Variants in TASP1 observed in about 807,000 individuals in gnomAD.
TASP1 encodes the protein taspase 1.
Under a neutral mutation model 56.6 loss-of-function variants are expected in TASP1, and 16 were observed. The observed-to-expected ratio is 0.28, with a 90% confidence interval of 0.19 to 0.43. The LOEUF is 0.43. Among genes scored for constraint, TASP1 ranks in the 20% least tolerant of loss-of-function variants. The probability of loss-of-function intolerance (pLI) is 1.00; values close to 1 mark genes in which losing one functional copy is unlikely to be tolerated. For synonymous variants in TASP1, 179 were observed against 184.2 expected (o/e 0.97, Z 0.23); for missense variants, 393 against 511.6 (o/e 0.77, Z 2.24).
At chr20:13,244,192 T>C in the TASP1 span, 2 of 152,214 alleles carry the variant, frequency 1.3e-5, no homozygotes, top group Admixed American at 1.3e-4. Context: ...TTGGATTAAA[T>C]GCAGAGGTCT....
At chr20:13,457,176 GGAGTTGATGGGTTCA>G (rs2043874742) in intron 11 of TASP1, among the ~76,000 whole-genome samples, 1 of 151,974 alleles carries the variant, frequency 6.6e-6, no homozygotes, top group Non-Finnish European at 1.5e-5. Flanking sequence ...ATGTAAATGA[GGAGTTGATGGGTTCA>G]GCAAACCAAC....
At chr20:13,356,656 C>G in the TASP1 span, among the ~76,000 whole-genome samples, 4 of 152,184 alleles carry the variant, frequency 2.6e-5, no homozygotes, top group African/African-American at 9.7e-5. Context: ...CTAGATAACA[C>G]TTAACTTTTC....
the TASP1 span, among the ~76,000 whole-genome samples, chr20:13,313,167 T>C: frequency 6.6e-6 from 1 of 152,190 alleles, no homozygotes; most frequent in Non-Finnish European, 1.5e-5. Context: ...CCCTGAAAAC[T>C]AATTGCAGAT....
At chr20:13,322,320 C>T in the TASP1 span, among the ~76,000 whole-genome samples, 2 of 152,238 alleles carry the variant, frequency 1.3e-5, no homozygotes, top group South Asian at 4.1e-4. Context: ...TAAAGAGATA[C>T]GGGTTGTTCT....
the TASP1 span, among the ~76,000 whole-genome samples, chr20:13,297,038 C>CA: frequency 9.3e-5 from 14 of 150,114 alleles, no homozygotes; most frequent in Middle Eastern, 3.4e-3. Context: ...CACCCCCCGC[C>CA]AAAAAAAAAG....
chr20:13,322,045 G>A, the TASP1 span, among the ~76,000 whole-genome samples: 7 of 152,140 alleles, frequency 4.6e-5, no homozygotes, highest in Non-Finnish European at 7.3e-5. Flanking sequence ...CATGTGTATC[G>A]CTTAAAATAG....
the TASP1 span, among the ~76,000 whole-genome samples, chr20:13,228,688 T>C: frequency 6.6e-6 from 1 of 152,204 alleles, no homozygotes; most frequent in African/African-American, 2.4e-5. Context: ...GTCTAAACTT[T>C]GTCTCCAGCT....
intron 11 of TASP1, among the ~76,000 whole-genome samples, chr20:13,476,330 A>G (rs753910156): frequency 6.6e-6 from 1 of 152,146 alleles, no homozygotes; most frequent in Non-Finnish European, 1.5e-5. Flanking sequence ...ATTTCTCCCA[A>G]ACTCCTGGGA....
chr20:13,117,601 C>T, the TASP1 span: 1 of 1,614,020 alleles, frequency 6.2e-7, no homozygotes, highest in Non-Finnish European at 8.5e-7. Flanking sequence ...AGTATTGGGG[C>T]CGTGGGCCCA....
the TASP1 span, among the ~76,000 whole-genome samples, chr20:13,110,452 A>T: frequency 6.6e-6 from 1 of 152,206 alleles, no homozygotes; most frequent in Non-Finnish European, 1.5e-5. Flanking sequence ...AGGCTTCCTC[A>T]GAAATATCCT....
At chr20:13,204,028 C>T in the TASP1 span, among the ~76,000 whole-genome samples, 1 of 152,152 alleles carries the variant, frequency 6.6e-6, no homozygotes, top group South Asian at 2.1e-4. Context: ...AAAATCACCT[C>T]GCATAAAATG....
chr20:13,544,699 A>G (rs909939638), intron 8 of TASP1, among the ~76,000 whole-genome samples: 2 of 152,220 alleles, frequency 1.3e-5, no homozygotes, highest in Admixed American at 6.5e-5. Context: ...TTAGTTGTCC[A>G]ATTTGGCTCT....
At chr20:13,627,204 A>G (rs1441495556) in intron 2 of TASP1, among the ~76,000 whole-genome samples, 1 of 152,204 alleles carries the variant, frequency 6.6e-6, no homozygotes, top group East Asian at 1.9e-4. Context: ...TACTACATGA[A>G]TCACAAAAGT....
the TASP1 span, among the ~76,000 whole-genome samples, chr20:13,198,040 G>GA: frequency 3.3e-5 from 5 of 152,060 alleles, no homozygotes; most frequent in Admixed American, 2.0e-4. Context: ...AATATAAACA[G>GA]AAAAACCTCT....
chr20:13,301,801 T>G, the TASP1 span, among the ~76,000 whole-genome samples: 1 of 152,070 alleles, frequency 6.6e-6, no homozygotes, highest in South Asian at 2.1e-4. Context: ...ATTAGTCACA[T>G]GAACAGCTCA....
At chr20:13,512,883 G>T (rs1053521698) in intron 10 of TASP1, among the ~76,000 whole-genome samples, 1 of 152,050 alleles carries the variant, frequency 6.6e-6, no homozygotes, top group Non-Finnish European at 1.5e-5. Context: ...GCTTGTTTTT[G>T]TCAGGTTTGT....
chr20:13,601,000 G>C (rs887878487), intron 4 of TASP1, among the ~76,000 whole-genome samples: 3 of 152,196 alleles, frequency 2.0e-5, no homozygotes, highest in Non-Finnish European at 4.4e-5. Context: ...GCCTGGCCGG[G>C]TGTGGTGGCT....
At chr20:13,533,767 A>G (rs1420669192) in intron 9 of TASP1, among the ~76,000 whole-genome samples, 1 of 152,200 alleles carries the variant, frequency 6.6e-6, no homozygotes, top group African/African-American at 2.4e-5. Flanking sequence ...TACCCAGGCC[A>G]GTGCCCAGCC....
chr20:13,527,511 C>T (rs6042201), intron 10 of TASP1, among the ~76,000 whole-genome samples: 201 of 152,196 alleles, frequency 1.3e-3, no homozygotes, highest in African/African-American at 4.1e-3. Flanking sequence ...AAAGGCTTCA[C>T]GTACATCTGG....
Sources: allele counts gnomAD v4.1 joint callset (sites outside exome capture counted in the v4.1 genomes callset), GRCh38; gene constraint gnomAD v4.1.1; transcripts MANE v1.5; gene names NCBI Gene and HGNC (gene_info 2026-07-23, HGNC 2026-07-21).